Variants in WDFY4 observed in about 807,000 individuals in gnomAD.
The protein encoded by WDFY4 is WDFY family member 4.
WDFY4 carries 169 observed loss-of-function variants against 351.9 expected under a neutral mutation model. The ratio of observed to expected loss-of-function variants is 0.48; its 90% CI spans 0.42 to 0.55. The LOEUF (loss-of-function observed/expected upper bound fraction) is 0.55, where lower values mean the gene tolerates loss of function less well. Ranked by LOEUF, WDFY4 falls within the 20% of genes least tolerant of loss-of-function variation. The pLI, the probability that WDFY4 is intolerant of heterozygous loss-of-function variation, is 0.00. For missense variants in WDFY4, 3,803 were observed against 3,935.6 expected, an observed-to-expected ratio of 0.97 and a Z score of 0.90; for synonymous variants, 1,622 against 1,574.6, an observed-to-expected ratio of 1.03 and a Z score of -0.71.
chr10:48,960,914 A>G (rs1216799470), intron 53 of WDFY4, among the ~76,000 whole-genome samples: 2 of 152,224 alleles, frequency 1.3e-5, no homozygotes, highest in Admixed American at 1.3e-4. Flanking sequence ...AGTGGTTCCT[A>G]AGATCTGAAG....
chr10:48,808,003 A>G (rs538398477), intron 28 of WDFY4, 45 bp downstream of exon 28: 1 of 1,453,284 alleles, frequency 6.9e-7, no homozygotes, highest in South Asian at 1.4e-5. Flanking sequence ...GTTACCTCAT[A>G]CAGGGTGTGG....
At chr10:48,790,633 C>T (rs2066646312) in intron 22 of WDFY4, 94 bp from the exon 23 acceptor site, 11 of 1,398,438 alleles carry the variant, frequency 7.9e-6, no homozygotes, top group Non-Finnish European at 1.1e-5. Context: ...GATGGTGGCA[C>T]TGGTAGCTCA....
At chr10:48,817,496 C>A (rs2067661958) in intron 32 of WDFY4, 87 bp downstream of exon 32, 1 of 1,401,444 alleles carries the variant, frequency 7.1e-7, no homozygotes, top group East Asian at 2.5e-5. Context: ...CTCCCCTCCC[C>A]CCTAAAATTA....
intron 57 of WDFY4, among the ~76,000 whole-genome samples, chr10:48,971,313 G>A (rs1016888486): frequency 1.3e-5 from 2 of 152,064 alleles, no homozygotes; most frequent in Non-Finnish European, 2.9e-5. Flanking sequence ...TGGCTAATAC[G>A]GTGAAACTCT....
chr10:48,932,491 A>G (rs1232756199), intron 47 of WDFY4: 1 of 152,230 alleles, frequency 6.6e-6, no homozygotes, highest in Non-Finnish European at 1.5e-5. Context: ...CTCACTTTTA[A>G]TCTCTAGAGC....
chr10:48,882,316 C>G (rs890747461), intron 43 of WDFY4, among the ~76,000 whole-genome samples: 1 of 152,204 alleles, frequency 6.6e-6, no homozygotes, highest in African/African-American at 2.4e-5. Context: ...CAGCTTGGCA[C>G]AGGGCAAAGT....
chr10:48,852,262 G>A (rs2068980554), intron 39 of WDFY4, among the ~76,000 whole-genome samples: 3 of 152,330 alleles, frequency 2.0e-5, no homozygotes, highest in South Asian at 4.1e-4. Context: ...TAGTGACAGA[G>A]TCCAAAGACT....
chr10:48,979,918 T>C (rs530536237), intron 60 of WDFY4: 2 of 152,314 alleles, frequency 1.3e-5, no homozygotes, highest in South Asian at 2.1e-4. Flanking sequence ...GACAGAATAA[T>C]AGTAGCCACA....
chr10:48,828,399 C>A (rs527431268), intron 36 of WDFY4, among the ~76,000 whole-genome samples: 1 of 152,304 alleles, frequency 6.6e-6, no homozygotes, highest in Admixed American at 6.5e-5. Flanking sequence ...ATGAAGCCAA[C>A]CCTGGCCCCA....
chr10:48,832,736 A>C (rs1319954210), intron 39 of WDFY4, 27 bp downstream of exon 39: 1 of 1,501,460 alleles, frequency 6.7e-7, no homozygotes, highest in Non-Finnish European at 8.9e-7. Flanking sequence ...TTTCCTCAGA[A>C]AAGTATCAGG....
chr10:48,713,091 G>A (rs112692843), intron 2 of WDFY4, among the ~76,000 whole-genome samples: 116 of 152,274 alleles, frequency 7.6e-4, no homozygotes, highest in African/African-American at 1.6e-3. Flanking sequence ...ACTTCTGCTC[G>A]GAAAGGCCAT....
At chr10:48,948,560 GAC>G (rs1425829240) in intron 51 of WDFY4, among the ~76,000 whole-genome samples, 5 of 152,210 alleles carry the variant, frequency 3.3e-5, no homozygotes, top group Non-Finnish European at 7.3e-5. Flanking sequence ...ATCGGGAGGA[GAC>G]AGAGTGAAAT....
At chr10:48,840,644 C>T (rs2068572902) in intron 39 of WDFY4, among the ~76,000 whole-genome samples, 1 of 152,144 alleles carries the variant, frequency 6.6e-6, no homozygotes, top group South Asian at 2.1e-4. Flanking sequence ...AACTCAGCAG[C>T]AGAACTGAAC....
intron 14 of WDFY4, among the ~76,000 whole-genome samples, chr10:48,775,047 A>G (rs2132620706): frequency 6.6e-6 from 1 of 152,214 alleles, no homozygotes; most frequent in South Asian, 2.1e-4. Context: ...GGCAGTAAGC[A>G]TGTAGGGACT....
intron 1 of WDFY4, among the ~76,000 whole-genome samples, chr10:48,707,172 C>T (rs974868927): frequency 6.6e-6 from 1 of 152,282 alleles, no homozygotes; most frequent in East Asian, 1.9e-4. Context: ...TAAAGGGATG[C>T]TCATACTCAT....
chr10:48,910,991 A>G (rs1193928235), intron 47 of WDFY4: 1 of 774,090 alleles, frequency 1.3e-6, no homozygotes, highest in African/African-American at 1.9e-5. Flanking sequence ...GAAGGGGGAG[A>G]AATTGAAATG....
chr10:48,823,496 C>T (rs1231238394), intron 35 of WDFY4: 1 of 1,155,020 alleles, frequency 8.7e-7, no homozygotes, highest in Non-Finnish European at 1.1e-6. Flanking sequence ...AGGACTGGGC[C>T]TCTTCACAGT....
chr10:48,887,465 C>T (rs1046985373), intron 43 of WDFY4, among the ~76,000 whole-genome samples: 1 of 152,216 alleles, frequency 6.6e-6, no homozygotes, highest in South Asian at 2.1e-4. Context: ...TACCCTTGAC[C>T]TGCAATTCTG....
At chr10:48,943,657 A>C (rs978853996) in intron 49 of WDFY4, among the ~76,000 whole-genome samples, 1 of 152,036 alleles carries the variant, frequency 6.6e-6, no homozygotes, top group Non-Finnish European at 1.5e-5. Context: ...CAAAGGCGCA[A>C]TCTCTGCTCA....
Sources: allele counts gnomAD v4.1 joint callset (sites outside exome capture counted in the v4.1 genomes callset), GRCh38; gene constraint gnomAD v4.1.1; transcripts MANE v1.5; gene names NCBI Gene and HGNC (gene_info 2026-07-23, HGNC 2026-07-21).